The following FAM227B variants were observed in gnomAD, a reference collection of about 807,000 sequenced individuals.
FAM227B encodes the protein protein FAM227B.
In FAM227B, 88 loss-of-function variants were observed where a neutral mutation model predicts 73.8. The observed-to-expected ratio is 1.19, with a 90% CI of 1.00 to 1.42. FAM227B has a LOEUF of 1.42. Among genes scored for constraint, FAM227B ranks in the 40% most tolerant of loss-of-function variants. The pLI is 0.00. For missense variants in FAM227B, 632 were observed against 590.9 expected (o/e 1.07, Z -0.72); for synonymous variants, 210 against 190.5 (o/e 1.10, Z -0.84).
chr15:49,472,600 G>A (rs965552222), intron 11 of FAM227B, among the ~76,000 whole-genome samples: 10 of 152,162 alleles, frequency 6.6e-5, no homozygotes, highest in Non-Finnish European at 1.3e-4. Context: ...ACAATTAAAA[G>A]TCTTTGCTCA....
At chr15:49,615,022 A>C in intron 2 of FAM227B, 99 bp downstream of exon 2, 1 of 1,066,552 alleles carries the variant, frequency 9.4e-7, no homozygotes, top group Non-Finnish European at 1.5e-6. Flanking sequence ...TTGGTGTTTC[A>C]GTGACAAAGC....
chr15:49,491,464 A>G (rs944017189), intron 11 of FAM227B, among the ~76,000 whole-genome samples: 2 of 151,830 alleles, frequency 1.3e-5, no homozygotes, highest in African/African-American at 4.8e-5. Context: ...TAGTTTCTTT[A>G]GTCCATTGTA....
At position 49,401,768 on chromosome 15, in the gene FAM227B, G is replaced by A. The variant is rs1326946825; in HGVS notation, c.1013-30369C>T. On this transcript the variant is annotated intron_variant, in intron 11 of 15. Coordinates refer to ENST00000299338, the MANE Select transcript of FAM227B (RefSeq NM_152647.3). ...TCGCAAGAACAAAAAACCAAACACC[G>A]CATATTCTCACTCATAGGTGGGAAT... 1.1e-4 allele frequency among the ~76,000 whole-genome samples: 15 copies of A among 133,428 alleles called. No homozygotes were observed. The South Asian group carries it at 4.0e-3, about 35-fold the overall frequency. The allele number at this position is 133,428 out of a possible 152,430, so 87.5% of individuals were successfully genotyped here.
At chr15:49,504,192 T>C (rs1252033500) in intron 11 of FAM227B, among the ~76,000 whole-genome samples, 2 of 146,462 alleles carry the variant, frequency 1.4e-5, no homozygotes, top group African/African-American at 5.1e-5. Context: ...AACCAAACAC[T>C]GCATGTTCTC....
intron 13 of FAM227B, among the ~76,000 whole-genome samples, chr15:49,362,108 GTTGAT>G (rs1026588649): frequency 5.3e-5 from 8 of 152,158 alleles, no homozygotes; most frequent in African/African-American, 1.7e-4. Flanking sequence ...CTGTGTGCTT[GTTGAT>G]TTAAGTTCCT....
At chr15:49,582,277 A>G (rs555910055) in intron 5 of FAM227B, among the ~76,000 whole-genome samples, 13 of 152,322 alleles carry the variant, frequency 8.5e-5, no homozygotes, top group African/African-American at 3.1e-4. Flanking sequence ...AAAGTAAAGA[A>G]ATGGAAAAAA....
intron 2 of FAM227B, among the ~76,000 whole-genome samples, chr15:49,613,773 A>G (rs1232471531): frequency 6.6e-6 from 1 of 152,056 alleles, no homozygotes; most frequent in African/African-American, 2.4e-5. Context: ...ACCCTTAAAA[A>G]TTAAAAATAA....
At chr15:49,356,216 A>G (rs1555451353) in intron 13 of FAM227B, among the ~76,000 whole-genome samples, 1 of 152,190 alleles carries the variant, frequency 6.6e-6, no homozygotes, top group Non-Finnish European at 1.5e-5. Context: ...CATCATAATG[A>G]CAGGATCAAA....
chr15:49,451,391 A>G (rs912166613), intron 11 of FAM227B, among the ~76,000 whole-genome samples: 48 of 152,062 alleles, frequency 3.2e-4, no homozygotes, highest in Non-Finnish European at 6.6e-4. Flanking sequence ...TGAATAGTAT[A>G]TATTTTTAAG....
intron 12 of FAM227B, among the ~76,000 whole-genome samples, chr15:49,368,974 T>G (rs1374798196): frequency 6.6e-6 from 1 of 152,152 alleles, no homozygotes; most frequent in African/African-American, 2.4e-5. Context: ...TTTGTTTGTT[T>G]GTTTTTATTT....
intron 11 of FAM227B, among the ~76,000 whole-genome samples, chr15:49,417,440 G>C (rs1447058311): frequency 6.6e-6 from 1 of 152,018 alleles, no homozygotes; most frequent in Non-Finnish European, 1.5e-5. Context: ...TAAGGCTACA[G>C]TACTAAAACA....
chr15:49,533,082 G>T lies in FAM227B; in HGVS notation c.874+8598C>A, dbSNP rs556609760. 5.5e-4 allele frequency among the ~76,000 whole-genome samples: 84 copies of T among 151,884 alleles called. 2 individuals are homozygous for T. The highest frequency in any genetic ancestry group is 5.5e-3 in the Admixed American group (83 of 15,194). ...GCTTTTGTTGTATCCCATAAGTTTTGATATGTTGCTTCCATTTTCATTTTT... is the reference window on the plus strand; with the variant it reads ...GCTTTTGTTGTATCCCATAAGTTTTTATATGTTGCTTCCATTTTCATTTTT... On this transcript the variant is annotated intron_variant, in intron 10 of 15. Transcript: ENST00000299338.
intron 11 of FAM227B, among the ~76,000 whole-genome samples, chr15:49,406,405 G>A (rs965365055): frequency 2.0e-5 from 3 of 152,152 alleles, no homozygotes; most frequent in Non-Finnish European, 4.4e-5. Context: ...ACTGCAGGCG[G>A]TTGCACTGTT....
chr15:49,597,735 CAAGAA>C (rs774837957), intron 3 of FAM227B, among the ~76,000 whole-genome samples: 3 of 151,652 alleles, frequency 2.0e-5, no homozygotes, highest in African/African-American at 2.4e-5. Context: ...CGAGATTAAG[CAAGAA>C]AAGAAGAGAG....
chr15:49,565,562 T>C (rs1376248438), intron 9 of FAM227B, among the ~76,000 whole-genome samples: 1 of 152,130 alleles, frequency 6.6e-6, no homozygotes, highest in Admixed American at 6.5e-5. Flanking sequence ...TTCAGATAAG[T>C]ATTTATAATC....
chr15:49,345,188 T>G (rs2041287282), intron 13 of FAM227B, among the ~76,000 whole-genome samples: 1 of 152,242 alleles, frequency 6.6e-6, no homozygotes, highest in Non-Finnish European at 1.5e-5. Flanking sequence ...ACTTGTACAT[T>G]TATTATATAC....
intron 9 of FAM227B, among the ~76,000 whole-genome samples, chr15:49,552,511 T>C (rs1451282882): frequency 1.3e-5 from 2 of 152,202 alleles, no homozygotes; most frequent in Admixed American, 6.5e-5. Context: ...TACTTGGATA[T>C]TGGTATTTTT....
intron 3 of FAM227B, among the ~76,000 whole-genome samples, chr15:49,604,950 T>A (rs1476411986): frequency 6.6e-6 from 1 of 152,140 alleles, no homozygotes; most frequent in Admixed American, 6.5e-5. Flanking sequence ...TCCTTTATTG[T>A]TTTCCTGATT....
intron 11 of FAM227B, among the ~76,000 whole-genome samples, chr15:49,411,439 T>C (rs943377808): frequency 3.3e-5 from 5 of 152,278 alleles, no homozygotes; most frequent in African/African-American, 9.6e-5. Context: ...AATGATATTT[T>C]TGATACTTCT....
Sources: gnomAD v4.1 joint callset for allele counts (sites outside exome capture counted in the v4.1 genomes callset) on GRCh38, gnomAD v4.1.1 for gene constraint, MANE v1.5 for transcripts, NCBI Gene and HGNC (gene_info 2026-07-23, HGNC 2026-07-21) for gene names.